Variants in NRXN3 observed in about 807,000 individuals in gnomAD.
NRXN3 encodes neurexin 3.
In NRXN3, 32 loss-of-function variants were observed where a neutral mutation model predicts 137.6. That is an observed-to-expected ratio of 0.23 (90% CI 0.18 to 0.31). The LOEUF (loss-of-function observed/expected upper bound fraction) is 0.31. Ranked by LOEUF, NRXN3 falls within the 10% of genes least tolerant of loss-of-function variation. The pLI, the probability that NRXN3 is intolerant of heterozygous loss-of-function variation, is 1.00. For synonymous variants in NRXN3, 798 were observed against 784.5 expected (o/e 1.02, Z -0.29); for missense variants, 1,574 against 2,062.5 (o/e 0.76, Z 4.59).
chr14:78,921,581 G>T (rs1229378831), intron 10 of NRXN3, among the ~76,000 whole-genome samples: 1 of 152,170 alleles, frequency 6.6e-6, no homozygotes, highest in African/African-American at 2.4e-5. Context: ...GATGGTCAAA[G>T]ATTGGCACAT....
intron 7 of NRXN3, among the ~76,000 whole-genome samples, chr14:78,711,570 A>G (rs2098408607): frequency 6.6e-6 from 1 of 150,600 alleles, no homozygotes; most frequent in African/African-American, 2.5e-5. Context: ...CCTCCCAAGT[A>G]GCTGGGATTA....
At chr14:78,601,822 A>G (rs1027286522) in intron 4 of NRXN3, among the ~76,000 whole-genome samples, 1 of 152,196 alleles carries the variant, frequency 6.6e-6, no homozygotes, top group Non-Finnish European at 1.5e-5. Flanking sequence ...TTTGCTTATC[A>G]GAGTAAATAC....
At chr14:78,432,560 G>T (rs2093926613) in intron 4 of NRXN3, among the ~76,000 whole-genome samples, 1 of 152,206 alleles carries the variant, frequency 6.6e-6, no homozygotes, top group Non-Finnish European at 1.5e-5. Flanking sequence ...TTTCCAGCAG[G>T]TGAGAAGCCC....
chr14:79,586,255 G>A (rs2097764663), intron 16 of NRXN3, among the ~76,000 whole-genome samples: 2 of 152,148 alleles, frequency 1.3e-5, no homozygotes, highest in African/African-American at 2.4e-5. Context: ...ATTAAGTAAA[G>A]CTCACACTTT....
At position 79,142,526 on chromosome 14, in the gene NRXN3, T is replaced by G. The variant is rs530789294; in HGVS notation, c.3262+154385T>G. Among the ~76,000 whole-genome samples, 11 of 152,022 alleles carry G rather than the reference T, an allele frequency of 7.2e-5. No individual in the cohort carries two copies. In the East Asian group the frequency reaches 2.1e-3, roughly 29 times the overall value. ...AAAGATATGAATATTAAAAAAACAA[T>G]GATCCAATATGGTTGAATTGGGTGA... On this transcript the variant is annotated intron_variant, in intron 15 of 20. Coordinates refer to ENST00000335750, the MANE Select transcript of NRXN3 (RefSeq NM_001330195.2).
At chr14:78,730,306 T>C (rs2098508725) in intron 8 of NRXN3, among the ~76,000 whole-genome samples, 1 of 152,190 alleles carries the variant, frequency 6.6e-6, no homozygotes, top group African/African-American at 2.4e-5. Context: ...TCGTGGATGA[T>C]ACCCTTTTGT....
At chr14:79,307,854 G>A (rs567836251) in intron 15 of NRXN3, among the ~76,000 whole-genome samples, 6 of 150,276 alleles carry the variant, frequency 4.0e-5, no homozygotes, top group Non-Finnish European at 8.9e-5. Context: ...CAAGCCATTT[G>A]TATTAGTTTG....
At chr14:79,574,230 A>ACG (rs1305368148) in intron 16 of NRXN3, among the ~76,000 whole-genome samples, 1 of 151,852 alleles carries the variant, frequency 6.6e-6, no homozygotes, top group Non-Finnish European at 1.5e-5. Context: ...ACCCACACAC[A>ACG]CACACACACA....
chr14:79,663,524 G>A (rs916333757), intron 16 of NRXN3, among the ~76,000 whole-genome samples: 3 of 152,080 alleles, frequency 2.0e-5, no homozygotes, highest in African/African-American at 7.2e-5. Flanking sequence ...GGCCTGATTT[G>A]CCTTGAGGGG....
chr14:79,039,200 T>C (rs8017018), intron 15 of NRXN3, among the ~76,000 whole-genome samples: 65,966 of 151,822 alleles, frequency 0.43, 15,782 homozygotes, highest in African/African-American at 0.62. Flanking sequence ...ATTCTTAGAG[T>C]AAAACATGCC....
In NRXN3 at chr14:78,500,436, T is replaced by C. The variant is rs553043877; in HGVS notation, c.758-144684T>C. ...AAATGGTTAATGATCTGGAAGCAAG[T>C]ACTTGGAGGTCCTTAGGGAGCTCCT... On this transcript the variant is annotated intron_variant, in intron 4 of 20. Coordinates refer to ENST00000335750, the MANE Select transcript of NRXN3 (RefSeq NM_001330195.2). Among the ~76,000 whole-genome samples the C allele has an allele frequency of 4.1e-4, 62 of 152,266 alleles. No individual in the cohort carries two copies. The East Asian group carries it at 5.8e-3, about 14-fold the overall frequency.
chr14:79,255,661 C>G (rs1197579715), intron 15 of NRXN3, among the ~76,000 whole-genome samples: 1 of 152,178 alleles, frequency 6.6e-6, no homozygotes, highest in Non-Finnish European at 1.5e-5. Context: ...TGCTTATCTC[C>G]AAATGCTTTA....
intron 4 of NRXN3, among the ~76,000 whole-genome samples, chr14:78,551,718 C>T (rs2096692108): frequency 1.3e-5 from 2 of 150,110 alleles, no homozygotes; most frequent in Non-Finnish European, 3.0e-5. Context: ...TTCCCTCCTT[C>T]CACTTCTCTC....
intron 10 of NRXN3, among the ~76,000 whole-genome samples, chr14:78,954,236 G>T (rs2099392382): frequency 6.6e-6 from 1 of 152,126 alleles, no homozygotes; most frequent in Non-Finnish European, 1.5e-5. Context: ...TTGACCTTTT[G>T]ACTTGATTAA....
chr14:79,517,093 C>CG lies in NRXN3; in HGVS notation c.3444+49691_3444+49692insG, dbSNP rs368567195. On this transcript the variant is annotated intron_variant, in intron 16 of 20. Transcript: ENST00000335750. ...TGAGAAGTATTACACAAATGTACAG[C>CG]CCCCCCCCCCTCAACGAATGGGAGC... Among the ~76,000 whole-genome samples the CG allele has an allele frequency of 7.9e-3, 185 of 23,388 alleles. 3 individuals carry two copies. Among genetic ancestry groups the CG allele is most frequent in the African/African-American group, 0.015 (171 of 11,066 alleles). 15.3% of individuals were successfully genotyped at this position (23,388 alleles called of 152,430 possible). A position where few individuals can be genotyped will look rare whatever the true frequency, so the allele number is the denominator to read the frequency against.
chr14:79,635,373 A>G (rs1019976982), intron 16 of NRXN3, among the ~76,000 whole-genome samples: 21 of 152,346 alleles, frequency 1.4e-4, no homozygotes, highest in Admixed American at 1.3e-3. Context: ...CAGACATGGA[A>G]GGCAAGAGAA....
intron 4 of NRXN3, among the ~76,000 whole-genome samples, chr14:78,519,054 C>T (rs72683508): frequency 0.028 from 4,316 of 152,182 alleles, 80 homozygotes; most frequent in South Asian, 0.058. Context: ...TATATAATAT[C>T]ATTCTGCTAT....
chr14:78,594,855 A>G (rs1457836920), intron 4 of NRXN3, among the ~76,000 whole-genome samples: 2 of 152,244 alleles, frequency 1.3e-5, no homozygotes, highest in Non-Finnish European at 2.9e-5. Context: ...TTTCAGATCA[A>G]TTACATAAAT....
At chr14:78,611,110 G>A (rs1351433247) in intron 4 of NRXN3, among the ~76,000 whole-genome samples, 3 of 151,970 alleles carry the variant, frequency 2.0e-5, no homozygotes, top group East Asian at 1.9e-4. Flanking sequence ...AGAAACAACC[G>A]GGCCTCCATG....
Sources: gnomAD v4.1 joint callset for allele counts (sites outside exome capture counted in the v4.1 genomes callset) on GRCh38, gnomAD v4.1.1 for gene constraint, MANE v1.5 for transcripts, NCBI Gene and HGNC (gene_info 2026-07-23, HGNC 2026-07-21) for gene names.